Variants in TFB1M observed in about 807,000 individuals in gnomAD.
TFB1M encodes dimethyladenosine transferase 1, mitochondrial.
In TFB1M, 27 loss-of-function variants were observed where a neutral mutation model predicts 31.1. The ratio of observed to expected loss-of-function variants is 0.87; its 90% CI spans 0.64 to 1.20. TFB1M has a LOEUF of 1.20. Ranked by LOEUF, TFB1M falls within the 50% of genes most tolerant of loss-of-function variation. The pLI, the probability that TFB1M is intolerant of heterozygous loss-of-function variation, is 0.00. For missense variants in TFB1M, 394 were observed against 418.7 expected (o/e 0.94, Z 0.51); for synonymous variants, 166 against 151.8 (o/e 1.09, Z -0.69).
intron 2 of TFB1M, among the ~76,000 whole-genome samples, chr6:155,304,196 C>T (rs964777488): frequency 1.3e-5 from 2 of 152,062 alleles, no homozygotes; most frequent in Admixed American, 6.6e-5. Flanking sequence ...GCAGGAGAAT[C>T]GCTTGAGCCT....
chr6:155,285,259 C>T lies in TFB1M; in HGVS notation c.565G>A (p.Gly189Arg), dbSNP rs1449902006. ...GAGAGGCGACTACGCTGTTTGCTTC[C>T]TGTATTGGCTGCAAGTCTCTAGAGA... ...EVAERLAANT[G>R]SKQRSRLSVM... The change falls in exon 5 of 7, where the codon GGA becomes AGA. Residue 189 changes from glycine to arginine, a missense_variant. Physicochemically the swap from Gly to Arg is moderately radical, Grantham distance 125. Around this residue, in one of 3 missense-constraint regions of TFB1M, gnomAD observed 273 missense variants for 256.4 expected, o/e 1.06. Transcript: ENST00000367166. The T allele has an allele frequency of 4.3e-6, 7 of 1,613,852 alleles. No homozygotes were observed. In the Admixed American group the frequency reaches 1.0e-4, roughly 23 times the overall value.
the TFB1M span, among the ~76,000 whole-genome samples, chr6:155,249,154 A>C: frequency 1.6e-3 from 248 of 152,292 alleles, no homozygotes; most frequent in South Asian, 2.5e-3. Flanking sequence ...CTGAATTGGG[A>C]GAAAAAAAAG....
intron 2 of TFB1M, among the ~76,000 whole-genome samples, chr6:155,308,614 T>TACTAA (rs1777887850): frequency 6.6e-6 from 1 of 152,152 alleles, no homozygotes; most frequent in Non-Finnish European, 1.5e-5. Flanking sequence ...AACTATACTA[T>TACTAA]ACTAAACATA....
chr6:155,233,847 C>T, the TFB1M span, among the ~76,000 whole-genome samples: 1 of 151,982 alleles, frequency 6.6e-6, no homozygotes, highest in African/African-American at 2.4e-5. Flanking sequence ...CCTGGAGTTC[C>T]AGCTGCTTAG....
the TFB1M span, among the ~76,000 whole-genome samples, chr6:155,234,865 G>C: frequency 6.6e-6 from 1 of 152,250 alleles, no homozygotes; most frequent in Non-Finnish European, 1.5e-5. Flanking sequence ...GGAGAGCCCT[G>C]ACCACATGGG....
chr6:155,291,741 C>CA (rs551096759), intron 4 of TFB1M, among the ~76,000 whole-genome samples: 1,855 of 152,182 alleles, frequency 0.012, 33 homozygotes, highest in Non-Finnish European at 0.015. Flanking sequence ...GTGTGACAAC[C>CA]AAAAACATGT....
chr6:155,299,092 G>C (rs9384309), intron 2 of TFB1M, among the ~76,000 whole-genome samples: 20,758 of 151,500 alleles, frequency 0.14, 1,619 homozygotes, highest in Non-Finnish European at 0.19. Flanking sequence ...GTCACCTGTC[G>C]ATGCCAGTCT....
chr6:155,314,072 G>A, intron 1 of TFB1M: 6 of 1,430,758 alleles, frequency 4.2e-6, no homozygotes, highest in East Asian at 2.6e-5. Flanking sequence ...CCTGCCGGCA[G>A]GCTACACCCC....
chr6:155,257,935 G>GTCT lies in TFB1M; in HGVS notation c.939_941dup (p.Glu313dup), dbSNP rs752639854. ...TGAAATTATATGCAAAGAGTTGTGG[G>GTCT]TCTTCATCACACATTTTTCTGTATA... On this transcript the variant is annotated inframe_insertion, in exon 7 of 7. Coordinates refer to ENST00000367166, the MANE Select transcript of TFB1M (RefSeq NM_016020.4). The GTCT allele has an allele frequency of 2.5e-6, 4 of 1,614,100 alleles. No homozygotes were observed. The highest frequency in any genetic ancestry group is 1.7e-5 in the Admixed American group (1 of 60,014).
intron 4 of TFB1M, among the ~76,000 whole-genome samples, chr6:155,288,143 TG>T (rs1583351094): frequency 6.6e-6 from 1 of 152,218 alleles, no homozygotes; most frequent in Non-Finnish European, 1.5e-5. Flanking sequence ...AAATAGGTTC[TG>T]TGTGAGATAT....
At chr6:155,281,864 T>G (rs1398736793) in intron 5 of TFB1M, among the ~76,000 whole-genome samples, 3 of 151,482 alleles carry the variant, frequency 2.0e-5, no homozygotes, top group African/African-American at 7.3e-5. Flanking sequence ...AATAGCTCAG[T>G]ATTTCCCAAA....
Position 155,256,511 on chromosome 6 carries a change from A to G in TFB1M, c.*1325T>C, listed in dbSNP as rs1254703015. 1 of 1,614,118 alleles carries G rather than the reference A, an allele frequency of 6.2e-7. No individual in the cohort carries two copies. The highest frequency in any genetic ancestry group is 2.2e-5 in the East Asian group (1 of 44,898). ...TCATCCAGGTCTTTAAAAGTCCTGA[A>G]GAATTCCTCCAGCAACGAGTGGACC... On this transcript the variant is annotated 3_prime_UTR_variant, in exon 7 of 7. Coordinates refer to ENST00000367166, the MANE Select transcript of TFB1M (RefSeq NM_016020.4).
intron 4 of TFB1M, among the ~76,000 whole-genome samples, chr6:155,293,955 T>C (rs1777046768): frequency 6.6e-6 from 1 of 152,216 alleles, no homozygotes; most frequent in Admixed American, 6.5e-5. Flanking sequence ...CTGGTTGTTC[T>C]TCCTGAGGAC....
intron 5 of TFB1M, chr6:155,260,921 G>A (rs1238501339): frequency 5.4e-6 from 1 of 183,642 alleles, no homozygotes; most frequent in Non-Finnish European, 1.2e-5. Context: ...AAAAGCCACA[G>A]AACTTTCTAG....
chr6:155,250,784 CA>C, the TFB1M span: 1 of 1,140,366 alleles, frequency 8.8e-7, no homozygotes, highest in Non-Finnish European at 1.3e-6. Context: ...CCCATGTTTA[CA>C]GGTATCATAA....
the TFB1M span, among the ~76,000 whole-genome samples, chr6:155,244,504 C>T: frequency 6.6e-6 from 1 of 152,236 alleles, no homozygotes; most frequent in South Asian, 2.1e-4. Context: ...TAAGCCATAT[C>T]CCATAATGAA....
intron 4 of TFB1M, among the ~76,000 whole-genome samples, chr6:155,286,260 A>G (rs1176751632): frequency 6.6e-6 from 1 of 152,150 alleles, no homozygotes; most frequent in African/African-American, 2.4e-5. Context: ...ACAATAAGTG[A>G]AAAGCAAAAT....
the TFB1M span, among the ~76,000 whole-genome samples, chr6:155,246,003 T>C: frequency 6.6e-6 from 1 of 152,114 alleles, no homozygotes; most frequent in Non-Finnish European, 1.5e-5. Flanking sequence ...TCTTGCCAAA[T>C]TCCTTTCTCT....
intron 6 of TFB1M, among the ~76,000 whole-genome samples, chr6:155,259,853 C>T (rs992611306): frequency 7.2e-5 from 11 of 152,180 alleles, no homozygotes; most frequent in African/African-American, 1.7e-4. Context: ...AACGTGCTTA[C>T]GTGAGGACTT....
Sources: allele counts gnomAD v4.1 joint callset (sites outside exome capture counted in the v4.1 genomes callset), GRCh38; gene constraint gnomAD v4.1.1; regional missense constraint gnomAD v4.1.1; transcripts MANE v1.5; gene names NCBI Gene and HGNC (gene_info 2026-07-23, HGNC 2026-07-21).